AHCYL2: variants seen among roughly 807,000 people sequenced by gnomAD.
AHCYL2 encodes the protein S-adenosylhomocysteine hydrolase-like protein 2.
Under a neutral mutation model 81.4 loss-of-function variants are expected in AHCYL2, and 28 were observed. The ratio of observed to expected loss-of-function variants is 0.34; its 90% confidence interval spans 0.25 to 0.47. The LOEUF is 0.47. Ranked by LOEUF, AHCYL2 falls within the 20% of genes least tolerant of loss-of-function variation. The probability of loss-of-function intolerance (pLI) is 1.00; values close to 1 mark genes in which losing one functional copy is unlikely to be tolerated. For synonymous variants in AHCYL2, 272 were observed against 290.2 expected (o/e 0.94, Z 0.64); for missense variants, 551 against 785.1 (o/e 0.70, Z 3.56).
intron 2 of AHCYL2, among the ~76,000 whole-genome samples, chr7:129,383,437 G>C (rs1795057146): frequency 6.6e-6 from 1 of 152,048 alleles, no homozygotes; most frequent in Non-Finnish European, 1.5e-5. Context: ...TGGGATTACA[G>C]ACATGAGCCA....
Position 129,422,955 on chromosome 7 carries a change from C to CA in AHCYL2, c.1560+22dup. On this transcript the variant is annotated intron_variant, in intron 13 of 16. Transcript: ENST00000325006. ...CTGGCAGAGGTAAGGCTGAGACTGG[C>CA]AAAAATACTCCCCCACAACAGGAGA... 6.2e-7 allele frequency: 1 copy of CA among 1,609,390 alleles called. No homozygotes were observed. Among genetic ancestry groups the CA allele is most frequent in the Non-Finnish European group, 8.5e-7 (1 of 1,176,568 alleles).
chr7:129,250,283 A>C (rs942635546), intron 1 of AHCYL2, among the ~76,000 whole-genome samples: 1 of 152,250 alleles, frequency 6.6e-6, no homozygotes, highest in East Asian at 1.9e-4. Context: ...AAAAACAAAC[A>C]AACCAAAAAG....
chr7:129,297,181 G>A (rs1025980972), intron 1 of AHCYL2, among the ~76,000 whole-genome samples: 3 of 152,186 alleles, frequency 2.0e-5, no homozygotes, highest in Non-Finnish European at 4.4e-5. Context: ...GCTCCAAAGA[G>A]GAGGAATTTC....
chr7:129,279,990 A>T (rs184829178), intron 1 of AHCYL2, among the ~76,000 whole-genome samples: 7 of 152,020 alleles, frequency 4.6e-5, no homozygotes, highest in Non-Finnish European at 8.8e-5. Flanking sequence ...CTCCTATCTC[A>T]TCCTGTGACT....
intron 1 of AHCYL2, among the ~76,000 whole-genome samples, chr7:129,253,187 A>G (rs901855883): frequency 2.6e-5 from 4 of 151,946 alleles, no homozygotes; most frequent in Admixed American, 6.6e-5. Context: ...AGCCTGGCCG[A>G]CAGAGCAAGA....
At chr7:129,233,378 T>G (rs1391035978) in intron 1 of AHCYL2, among the ~76,000 whole-genome samples, 1 of 152,146 alleles carries the variant, frequency 6.6e-6, no homozygotes, top group Non-Finnish European at 1.5e-5. Context: ...AGACGGTATC[T>G]TGCCATGTTG....
rs570355342 is a variant in AHCYL2 at position 129,386,416 on chromosome 7, T to A, written c.476-2640T>A. On this transcript the variant is annotated intron_variant, in intron 2 of 16. Transcript: ENST00000325006. Reference sequence around the variant, plus strand: ...AGGCGGAGGTTGCAGTGAGCTGAGATCGTGCTACTGTGCTCCAGCCTAGGT... The same window carrying A: ...AGGCGGAGGTTGCAGTGAGCTGAGAACGTGCTACTGTGCTCCAGCCTAGGT... Among the ~76,000 whole-genome samples the A allele has an allele frequency of 2.6e-5, 4 of 151,670 alleles. No homozygotes were observed. In the South Asian group the frequency reaches 8.3e-4, roughly 32 times the overall value.
chr7:129,368,456 C>A lies in AHCYL2; in HGVS notation c.364-11182C>A. ...ACCCCAGTATTTCCAAACCAGCTTTCCCTTTTGCTTCAGGACATATCTTAC... is the reference window on the plus strand; with the variant it reads ...ACCCCAGTATTTCCAAACCAGCTTTACCTTTTGCTTCAGGACATATCTTAC... On this transcript the variant is annotated intron_variant, in intron 1 of 16. Coordinates refer to ENST00000325006, the MANE Select transcript of AHCYL2 (RefSeq NM_015328.4). This position sits in a 1 kb window ranked among gnomAD's most constrained non-coding sequence, Gnocchi z 4.4. 1 of 1,613,872 alleles carries A rather than the reference C, an allele frequency of 6.2e-7. No homozygotes were observed. The highest frequency in any genetic ancestry group is 8.5e-7 in the Non-Finnish European group (1 of 1,179,822).
chr7:129,267,166 G>A (rs979460987), intron 1 of AHCYL2, among the ~76,000 whole-genome samples: 1 of 151,902 alleles, frequency 6.6e-6, no homozygotes, highest in Admixed American at 6.6e-5. Context: ...TAACATGAGT[G>A]GGGTGTGTGG....
intron 1 of AHCYL2, among the ~76,000 whole-genome samples, chr7:129,263,363 C>T (rs369321538): frequency 9.2e-5 from 14 of 152,178 alleles, no homozygotes; most frequent in African/African-American, 3.1e-4. Context: ...TACTTCCCAG[C>T]GTCATTGGCT....
At chr7:129,394,440 CTTTTTTTTTTTT>C (rs35797517) in intron 4 of AHCYL2, among the ~76,000 whole-genome samples, 1 of 45,738 alleles carries the variant, frequency 2.2e-5, no homozygotes, top group Non-Finnish European at 4.0e-5. Context: ...TTGTATTTGA[CTTTTTTTTTTTT>C]TTTTTTTTTT....
intron 1 of AHCYL2, among the ~76,000 whole-genome samples, chr7:129,360,330 G>T (rs1793888011): frequency 6.6e-6 from 1 of 151,970 alleles, no homozygotes; most frequent in East Asian, 1.9e-4. Context: ...TGGTCAGGCT[G>T]GTCTCGAACT....
At chr7:129,284,636 T>C (rs1554474648) in intron 1 of AHCYL2, among the ~76,000 whole-genome samples, 1 of 151,698 alleles carries the variant, frequency 6.6e-6, no homozygotes, top group Non-Finnish European at 1.5e-5. Context: ...AATAGTTGTT[T>C]GGGGGCCATC....
intron 11 of AHCYL2, among the ~76,000 whole-genome samples, chr7:129,411,009 C>T (rs1455794228): frequency 1.3e-5 from 2 of 152,014 alleles, no homozygotes; most frequent in African/African-American, 4.8e-5. Context: ...GCGTGGTTCT[C>T]CCACCTCTGC....
chr7:129,315,245 T>G (rs538253702), intron 1 of AHCYL2, among the ~76,000 whole-genome samples: 1 of 152,200 alleles, frequency 6.6e-6, no homozygotes, highest in Non-Finnish European at 1.5e-5. Context: ...CTTCCCTTTT[T>G]GTATTTCTAT....
chr7:129,231,198 C>T (rs1794424521), intron 1 of AHCYL2, among the ~76,000 whole-genome samples: 1 of 151,972 alleles, frequency 6.6e-6, no homozygotes, highest in Admixed American at 6.6e-5. Flanking sequence ...CGAGATCATG[C>T]CACCGCGCTT....
chr7:129,297,960 T>C (rs1462175763), intron 1 of AHCYL2, among the ~76,000 whole-genome samples: 1 of 152,062 alleles, frequency 6.6e-6, no homozygotes, highest in East Asian at 1.9e-4. Context: ...GCTGGGGAGG[T>C]TGAGGCTGCA....
chr7:129,408,530 G>A (rs1796408935), intron 10 of AHCYL2, among the ~76,000 whole-genome samples: 1 of 152,164 alleles, frequency 6.6e-6, no homozygotes, highest in African/African-American at 2.4e-5. Flanking sequence ...GATTATGGGT[G>A]CAGAGAAAAT....
intron 1 of AHCYL2, among the ~76,000 whole-genome samples, chr7:129,225,728 C>T (rs1794190640): frequency 1.3e-5 from 2 of 152,166 alleles, no homozygotes; most frequent in Non-Finnish European, 2.9e-5. Flanking sequence ...AATAGTACGT[C>T]CCGCGGCCCC....
Sources: gnomAD v4.1 joint callset for allele counts (sites outside exome capture counted in the v4.1 genomes callset) on GRCh38, gnomAD v4.1.1 for gene constraint, Gnocchi (gnomAD v3.1) non-coding constraint, MANE v1.5 for transcripts, NCBI Gene and HGNC (gene_info 2026-07-23, HGNC 2026-07-21) for gene names.